TPP2: variants seen among roughly 807,000 people sequenced by gnomAD.
TPP2 encodes tripeptidyl-peptidase 2.
A neutral mutation model predicts 155.9 loss-of-function variants in TPP2; 34 were observed. The ratio of observed to expected loss-of-function variants is 0.22; its 90% CI spans 0.17 to 0.29. The LOEUF (loss-of-function observed/expected upper bound fraction) is 0.29. TPP2 is among the 10% of genes least tolerant of loss of function. The pLI, the probability that TPP2 is intolerant of heterozygous loss-of-function variation, is 1.00. For synonymous variants in TPP2, 510 were observed against 529.4 expected (o/e 0.96, Z 0.50); for missense variants, 1,028 against 1,522.3 (o/e 0.68, Z 5.40).
chr13:102,626,419 G>T (rs1881628592), intron 6 of TPP2, among the ~76,000 whole-genome samples: 1 of 152,156 alleles, frequency 6.6e-6, no homozygotes, highest in African/African-American at 2.4e-5. Flanking sequence ...TCTTGTGGTG[G>T]TTTTTAAGTT....
At chr13:102,616,837 C>T (rs1340956932) in intron 4 of TPP2, among the ~76,000 whole-genome samples, 1 of 152,146 alleles carries the variant, frequency 6.6e-6, no homozygotes, top group Non-Finnish European at 1.5e-5. Context: ...ACCACCTTGA[C>T]TTCTAACACT....
rs1883486396 is a variant in TPP2 at position 102,651,505 on chromosome 13, C to T, written c.2991+108C>T. ...TTTTTTAATAAGTCTCCCTTAGTTTCCTTTCTTTGCATTCTAAAGTATAGT... is the reference window on the plus strand; with the variant it reads ...TTTTTTAATAAGTCTCCCTTAGTTTTCTTTCTTTGCATTCTAAAGTATAGT... On this transcript the variant is annotated intron_variant, in intron 24 of 29. Transcript: ENST00000376052. 2.6e-6 allele frequency: 3 copies of T among 1,162,104 alleles called. No individual in the cohort carries two copies. The African/African-American group carries it at 4.7e-5, about 18-fold the overall frequency. 72.0% of individuals were successfully genotyped at this position (1,162,104 alleles called of 1,614,324 possible). A position where few individuals can be genotyped will look rare whatever the true frequency, so the allele number is the denominator to read the frequency against.
intron 28 of TPP2, 139 bp from the exon 29 acceptor site, chr13:102,676,157 A>T: frequency 1.3e-6 from 1 of 769,790 alleles, no homozygotes; most frequent in Non-Finnish European, 1.9e-6. Flanking sequence ...TCTTTTTCAA[A>T]GTTTTTAAAA....
intron 17 of TPP2, 137 bp downstream of exon 17, chr13:102,643,513 A>C: frequency 1.1e-6 from 1 of 905,220 alleles, no homozygotes; most frequent in Non-Finnish European, 1.5e-6. Flanking sequence ...TGCCAAAAAA[A>C]TGAAGTAGAA....
intron 15 of TPP2, among the ~76,000 whole-genome samples, chr13:102,638,562 C>T (rs1481688079): frequency 6.6e-6 from 1 of 152,218 alleles, no homozygotes; most frequent in Non-Finnish European, 1.5e-5. Flanking sequence ...CCACCACAGT[C>T]ACTCTGAGCT....
At chr13:102,609,647 T>A (rs920729204) in intron 2 of TPP2, among the ~76,000 whole-genome samples, 1 of 151,998 alleles carries the variant, frequency 6.6e-6, no homozygotes, top group African/African-American at 2.4e-5. Flanking sequence ...TCTACCTGCC[T>A]CAGCCTCCCA....
intron 27 of TPP2, among the ~76,000 whole-genome samples, chr13:102,667,397 A>G (rs541840760): frequency 1.6e-4 from 25 of 152,346 alleles, no homozygotes; most frequent in African/African-American, 6.0e-4. Context: ...ATCACTGACA[A>G]GGACTTAAAA....
rs749705113 is a variant in TPP2, at chr13:102,637,258, T to C, written c.1836+19T>C. The C allele has an allele frequency of 1.9e-6, 3 of 1,571,142 alleles. No individual in the cohort carries two copies. The highest frequency in any genetic ancestry group is 2.6e-6 in the Non-Finnish European group (3 of 1,172,036). On this transcript the variant is annotated intron_variant, in intron 14 of 29. Transcript: ENST00000376052. Reference sequence around the variant, plus strand: ...TACAGAGGTATTGATGTATCTTCATTTTTACTTTCTTCACTCTTTAAAATG... The same window carrying C: ...TACAGAGGTATTGATGTATCTTCATCTTTACTTTCTTCACTCTTTAAAATG...
intron 11 of TPP2, among the ~76,000 whole-genome samples, chr13:102,634,711 A>G (rs1195129477): frequency 6.6e-6 from 1 of 152,178 alleles, no homozygotes; most frequent in African/African-American, 2.4e-5. Context: ...CACTGGTGCT[A>G]TCAGCATAAG....
At chr13:102,650,192 T>C (rs1555303396) in intron 23 of TPP2, among the ~76,000 whole-genome samples, 1 of 152,176 alleles carries the variant, frequency 6.6e-6, no homozygotes, top group Non-Finnish European at 1.5e-5. Flanking sequence ...TATAGATCTA[T>C]CACCTTTTGT....
chr13:102,599,775 G>A (rs1879287775), intron 1 of TPP2, among the ~76,000 whole-genome samples: 1 of 152,160 alleles, frequency 6.6e-6, no homozygotes, highest in African/African-American at 2.4e-5. Context: ...CTTGCAAACT[G>A]TCACTCTTGC....
At chr13:102,659,535 G>T (rs584504) in intron 25 of TPP2, among the ~76,000 whole-genome samples, 75,173 of 152,004 alleles carry the variant, frequency 0.49, 18,983 homozygotes, top group African/African-American at 0.6. Context: ...AGCAGAAACA[G>T]TAGAGGTCAG....
intron 29 of TPP2, among the ~76,000 whole-genome samples, chr13:102,677,581 C>A (rs1390120256): frequency 6.6e-6 from 1 of 152,186 alleles, no homozygotes; most frequent in Non-Finnish European, 1.5e-5. Flanking sequence ...CACAAACAGC[C>A]ACACCTTTTC....
intron 24 of TPP2, among the ~76,000 whole-genome samples, chr13:102,652,425 T>G (rs1254795682): frequency 6.4e-5 from 1 of 15,578 alleles, no homozygotes. Flanking sequence ...TATATATATA[T>G]ATATATATAT....
intron 17 of TPP2, among the ~76,000 whole-genome samples, chr13:102,644,059 G>A (rs1882938716): frequency 6.6e-6 from 1 of 152,070 alleles, no homozygotes; most frequent in Non-Finnish European, 1.5e-5. Context: ...CTAAGAGCAG[G>A]TGTTTTTTTT....
At chr13:102,661,986 C>T (rs529576892) in intron 25 of TPP2, among the ~76,000 whole-genome samples, 1 of 152,234 alleles carries the variant, frequency 6.6e-6, no homozygotes, top group African/African-American at 2.4e-5. Context: ...CAGTTTATAG[C>T]AGCATTATTC....
chr13:102,678,111 A>G, intron 29 of TPP2, 116 bp from the exon 30 acceptor site: 1 of 992,388 alleles, frequency 1.0e-6, no homozygotes, highest in South Asian at 2.0e-5. Context: ...TGGTGGAAGG[A>G]AGGTTCTATA....
At chr13:102,635,078 C>G (rs1285917334) in intron 11 of TPP2, among the ~76,000 whole-genome samples, 1 of 152,138 alleles carries the variant, frequency 6.6e-6, no homozygotes, top group African/African-American at 2.4e-5. Flanking sequence ...ACAGTAATTC[C>G]CAACCTGGCT....
chr13:102,631,127 T>G (rs969265500), intron 10 of TPP2, among the ~76,000 whole-genome samples: 1 of 152,124 alleles, frequency 6.6e-6, no homozygotes, highest in Non-Finnish European at 1.5e-5. Flanking sequence ...CAGTGTAAAG[T>G]TTTTTGAGGA....
Sources: allele counts gnomAD v4.1 joint callset (sites outside exome capture counted in the v4.1 genomes callset), GRCh38; gene constraint gnomAD v4.1.1; transcripts MANE v1.5; gene names NCBI Gene and HGNC (gene_info 2026-07-23, HGNC 2026-07-21).